Variants in TRHDE observed in about 807,000 individuals in gnomAD.
The protein encoded by TRHDE is thyrotropin-releasing hormone-degrading ectoenzyme.
A neutral mutation model predicts 125.7 loss-of-function variants in TRHDE; 72 were observed. The ratio of observed to expected loss-of-function variants is 0.57; its 90% CI spans 0.47 to 0.70. The LOEUF (loss-of-function observed/expected upper bound fraction) is 0.70, where lower values mean the gene tolerates loss of function less well. TRHDE is among the 30% of genes least tolerant of loss of function. The probability of loss-of-function intolerance (pLI) is 0.00; values close to 1 mark genes in which losing one functional copy is unlikely to be tolerated. For missense variants in TRHDE, 1,110 were observed against 1,327.1 expected (o/e 0.84, Z 2.54); for synonymous variants, 509 against 509.1 (o/e 1.00, Z 0.00).
chr12:72,412,833 A>C (rs542017778), intron 3 of TRHDE, among the ~76,000 whole-genome samples: 2 of 152,234 alleles, frequency 1.3e-5, no homozygotes, highest in African/African-American at 4.8e-5. Context: ...ATTAAACAGC[A>C]GAACTAAATG....
At chr12:72,094,317 G>A (rs1283222044) in intron 1 of TRHDE, among the ~76,000 whole-genome samples, 2 of 152,182 alleles carry the variant, frequency 1.3e-5, no homozygotes, top group Non-Finnish European at 1.5e-5. Flanking sequence ...TGGCTGAGAG[G>A]GGCTGGGGAC....
chr12:72,637,227 C>G (rs1169359921), intron 15 of TRHDE, among the ~76,000 whole-genome samples: 1 of 152,098 alleles, frequency 6.6e-6, no homozygotes, highest in African/African-American at 2.4e-5. Flanking sequence ...CTGGTTTAGT[C>G]TTGGGAGAGT....
chr12:72,470,864 T>C (rs907081866), intron 4 of TRHDE, among the ~76,000 whole-genome samples: 14 of 45,484 alleles, frequency 3.1e-4, no homozygotes, highest in Admixed American at 2.5e-3. Flanking sequence ...AAATGTCAGC[T>C]TTTTTTTTTT....
intron 15 of TRHDE, among the ~76,000 whole-genome samples, chr12:72,629,491 T>C (rs1475250392): frequency 6.6e-6 from 1 of 151,760 alleles, no homozygotes; most frequent in Non-Finnish European, 1.5e-5. Flanking sequence ...TATTGATTAG[T>C]TGTAGAATAG....
At chr12:72,316,909 C>T (rs952980046) in intron 2 of TRHDE, among the ~76,000 whole-genome samples, 3 of 152,026 alleles carry the variant, frequency 2.0e-5, no homozygotes, top group African/African-American at 4.8e-5. Flanking sequence ...AATACAAGCC[C>T]GAATTCCTGA....
chr12:72,143,678 G>T (rs1876167123), intron 2 of TRHDE, among the ~76,000 whole-genome samples: 3 of 151,988 alleles, frequency 2.0e-5, no homozygotes, highest in African/African-American at 7.3e-5. Context: ...CTAGAGTATT[G>T]TTCTGACCCC....
intron 15 of TRHDE, among the ~76,000 whole-genome samples, chr12:72,638,769 A>G (rs1055092076): frequency 6.3e-4 from 96 of 151,918 alleles, no homozygotes; most frequent in Middle Eastern, 3.4e-3. Context: ...TATGAAGCTT[A>G]GTTTGGCTAG....
At chr12:72,159,727 C>T (rs1592463910) in intron 2 of TRHDE, among the ~76,000 whole-genome samples, 1 of 152,080 alleles carries the variant, frequency 6.6e-6, no homozygotes, top group Non-Finnish European at 1.5e-5. Context: ...ATTTTTTTCT[C>T]ATCCTGTCTT....
chr12:72,301,654 G>A (rs1388912583), intron 2 of TRHDE, among the ~76,000 whole-genome samples: 1 of 152,160 alleles, frequency 6.6e-6, no homozygotes, highest in Non-Finnish European at 1.5e-5. Context: ...ATACAGAATG[G>A]AGATAACAAT....
chr12:72,385,861 A>G (rs535173020), intron 3 of TRHDE, among the ~76,000 whole-genome samples: 1 of 152,298 alleles, frequency 6.6e-6, no homozygotes, highest in Non-Finnish European at 1.5e-5. Context: ...TAAGGATGAA[A>G]GAAATCAATG....
intron 12 of TRHDE, among the ~76,000 whole-genome samples, chr12:72,614,130 C>A (rs111714334): frequency 6.6e-6 from 1 of 151,658 alleles, no homozygotes; most frequent in Non-Finnish European, 1.5e-5. Flanking sequence ...GGGGTTCTGC[C>A]CTCATGATCC....
chr12:72,374,573 T>C (rs1269616258), intron 2 of TRHDE, among the ~76,000 whole-genome samples: 1 of 151,996 alleles, frequency 6.6e-6, no homozygotes, highest in Non-Finnish European at 1.5e-5. Context: ...CATTAATCAA[T>C]GATTGGGATG....
At chr12:72,270,342 G>A (rs1879167696), upstream of TRHDE, among the ~76,000 whole-genome samples, 1 of 152,148 alleles carries the variant, frequency 6.6e-6, no homozygotes, top group African/African-American at 2.4e-5. Context: ...TGATTCAAAT[G>A]GACATTTAGA....
chr12:72,368,159 C>A (rs2135759725), intron 2 of TRHDE, among the ~76,000 whole-genome samples: 1 of 152,160 alleles, frequency 6.6e-6, no homozygotes, highest in East Asian at 1.9e-4. Context: ...TAGTTTCATT[C>A]CCTTGAAATC....
chr12:72,512,422 TA>T (rs1565772006), intron 6 of TRHDE, among the ~76,000 whole-genome samples: 16 of 109,018 alleles, frequency 1.5e-4, no homozygotes, highest in Admixed American at 6.0e-4. Context: ...AACTATATAA[TA>T]TATATTATAT....
intron 2 of TRHDE, among the ~76,000 whole-genome samples, chr12:72,326,549 C>T (rs904486329): frequency 6.6e-6 from 1 of 151,990 alleles, no homozygotes; most frequent in Non-Finnish European, 1.5e-5. Context: ...ACATGTATCC[C>T]AGAACTTAAA....
chr12:72,146,783 A>G (rs1006366804), intron 2 of TRHDE, among the ~76,000 whole-genome samples: 2 of 152,224 alleles, frequency 1.3e-5, no homozygotes, highest in African/African-American at 4.8e-5. Flanking sequence ...GCAAGGGCAG[A>G]GGGCCGGTAT....
intron 3 of TRHDE, among the ~76,000 whole-genome samples, chr12:72,380,216 C>T (rs1872079849): frequency 6.6e-6 from 1 of 152,070 alleles, no homozygotes; most frequent in South Asian, 2.1e-4. Context: ...GAGTGCCTAC[C>T]GTGGACATTT....
At chr12:72,348,084 T>C (rs181041033) in intron 2 of TRHDE, among the ~76,000 whole-genome samples, 5 of 152,068 alleles carry the variant, frequency 3.3e-5, no homozygotes. Flanking sequence ...ATATATACAG[T>C]ATTTATGGTA....
Sources: gnomAD v4.1 joint callset for allele counts (sites outside exome capture counted in the v4.1 genomes callset) on GRCh38, gnomAD v4.1.1 for gene constraint, MANE v1.5 for transcripts, NCBI Gene and HGNC (gene_info 2026-07-23, HGNC 2026-07-21) for gene names.